HACD3: variants seen among roughly 807,000 people sequenced by gnomAD.
HACD3 encodes 3-hydroxyacyl-CoA dehydratase 3.
In HACD3, 30 loss-of-function variants were observed where a neutral mutation model predicts 55.2. The observed-to-expected ratio is 0.54, with a 90% CI of 0.41 to 0.74. The LOEUF (loss-of-function observed/expected upper bound fraction) is 0.74. HACD3 is among the 30% of genes least tolerant of loss of function. The pLI is 0.00. For synonymous variants in HACD3, 141 were observed against 151.7 expected (o/e 0.93, Z 0.52); for missense variants, 363 against 440.1 (o/e 0.82, Z 1.57).
rs780626809 is a variant in HACD3, at chr15:65,556,816, A to C, written c.282A>C (p.Thr94=). Residue 94 remains threonine (T), a synonymous_variant, in exon 4 of 11, where the codon ACA becomes ACC. Coordinates refer to ENST00000261875, the MANE Select transcript of HACD3 (RefSeq NM_016395.4). The part of the protein sequence containing the change: ...KKVSQWWERL[T]KQEKRPLFLA... ...TGAGTCAGTGGTGGGAGAGACTCACAAAGCAGGAAAAGCGACCACTGTTTT... is the reference window on the plus strand; with the variant it reads ...TGAGTCAGTGGTGGGAGAGACTCACCAAGCAGGAAAAGCGACCACTGTTTT... 1 of 1,612,490 alleles carries C rather than the reference A, an allele frequency of 6.2e-7. No individual in the cohort carries two copies. The highest frequency in any genetic ancestry group is 8.5e-7 in the Non-Finnish European group (1 of 1,179,218).
intron 10 of HACD3, among the ~76,000 whole-genome samples, chr15:65,572,607 G>A (rs1232155667): frequency 6.6e-6 from 1 of 152,130 alleles, no homozygotes; most frequent in East Asian, 1.9e-4. Flanking sequence ...TATACCATAA[G>A]ATATTTCTTG....
intron 10 of HACD3, among the ~76,000 whole-genome samples, chr15:65,575,256 T>C (rs2072389764): frequency 6.6e-6 from 1 of 151,812 alleles, no homozygotes; most frequent in Admixed American, 6.6e-5. Flanking sequence ...GGCACGATCT[T>C]GGCTCACTGC....
chr15:65,556,921 G>C lies in HACD3; in HGVS notation c.369+18G>C. 1.2e-6 allele frequency: 2 copies of C among 1,600,316 alleles called. No homozygotes were observed. Among genetic ancestry groups the C allele is most frequent in the Non-Finnish European group, 1.7e-6 (2 of 1,171,354 alleles). ...GAGCTAAGGTTAGTAAGGATCCTAG[G>C]ATCTAGCCATTGAGGACAAATCATG... On this transcript the variant is annotated intron_variant, in intron 4 of 10. Coordinates refer to ENST00000261875, the MANE Select transcript of HACD3 (RefSeq NM_016395.4).
chr15:65,541,352 G>A (rs1230965594), intron 1 of HACD3, among the ~76,000 whole-genome samples: 1 of 152,110 alleles, frequency 6.6e-6, no homozygotes, highest in African/African-American at 2.4e-5. Flanking sequence ...TTTATTGAAA[G>A]AGCTCTCTGA....
At chr15:65,537,165 G>A (rs1382379889) in intron 1 of HACD3, among the ~76,000 whole-genome samples, 1 of 152,198 alleles carries the variant, frequency 6.6e-6, no homozygotes, top group Non-Finnish European at 1.5e-5. Flanking sequence ...GCTAGCAGAA[G>A]TTGATTCATG....
At chr15:65,536,238 C>T (rs1183482651) in intron 1 of HACD3, among the ~76,000 whole-genome samples, 1 of 151,810 alleles carries the variant, frequency 6.6e-6, no homozygotes, top group Admixed American at 6.6e-5. Context: ...GCTCAAGTGG[C>T]CTGCCCACCT....
intron 1 of HACD3, among the ~76,000 whole-genome samples, chr15:65,531,915 A>T (rs2071904813): frequency 1.3e-5 from 2 of 152,012 alleles, no homozygotes; most frequent in East Asian, 3.9e-4. Flanking sequence ...TCTCCTTAAC[A>T]TCTATGGCAC....
At chr15:65,574,104 A>T (rs1415861584) in intron 10 of HACD3, among the ~76,000 whole-genome samples, 1 of 152,232 alleles carries the variant, frequency 6.6e-6, no homozygotes, top group African/African-American at 2.4e-5. Context: ...AATGACCCCC[A>T]AAACTTAGCA....
intron 4 of HACD3, among the ~76,000 whole-genome samples, chr15:65,557,235 G>C (rs1411834742): frequency 6.6e-6 from 1 of 152,132 alleles, no homozygotes; most frequent in Non-Finnish European, 1.5e-5. Context: ...CAGCACTTTG[G>C]GAGGCCAAGG....
chr15:65,537,946 AAAAAAAAAAAAAATATATATAT>A (rs1277255267), intron 1 of HACD3, among the ~76,000 whole-genome samples: 56 of 53,496 alleles, frequency 1.0e-3, no homozygotes, highest in East Asian at 3.8e-3. Flanking sequence ...AAAAAAAAAA[AAAAAAAAAAAAAATATATATAT>A]ATATATATAT....
chr15:65,530,844 C>G (rs2071890011), intron 1 of HACD3, 126 bp downstream of exon 1: 1 of 924,580 alleles, frequency 1.1e-6, no homozygotes, highest in Non-Finnish European at 1.6e-6. Flanking sequence ...GTCGGCGACG[C>G]GGTGCGCTTA....
intron 1 of HACD3, among the ~76,000 whole-genome samples, chr15:65,533,382 TGTAGG>T (rs2071921473): frequency 6.6e-6 from 1 of 152,188 alleles, no homozygotes; most frequent in African/African-American, 2.4e-5. Context: ...AAATCTTACC[TGTAGG>T]GCAGGGAGAC....
At chr15:65,555,318 G>A (rs1049491655) in intron 3 of HACD3, among the ~76,000 whole-genome samples, 3 of 152,230 alleles carry the variant, frequency 2.0e-5, no homozygotes, top group African/African-American at 7.2e-5. Context: ...ATTGAGAACA[G>A]AGTTACATAG....
intron 1 of HACD3, among the ~76,000 whole-genome samples, chr15:65,545,935 G>T (rs1367588501): frequency 6.6e-6 from 1 of 152,226 alleles, no homozygotes; most frequent in Non-Finnish European, 1.5e-5. Context: ...TAAGAGAACT[G>T]CCAGCTTCCG....
chr15:65,533,151 C>T (rs377052335), intron 1 of HACD3, among the ~76,000 whole-genome samples: 1 of 152,140 alleles, frequency 6.6e-6, no homozygotes, highest in East Asian at 1.9e-4. Context: ...CAAAGGCCAC[C>T]AATAACACAC....
intron 2 of HACD3, among the ~76,000 whole-genome samples, chr15:65,552,741 T>C (rs1289654476): frequency 6.6e-6 from 1 of 152,074 alleles, no homozygotes; most frequent in Admixed American, 6.5e-5. Flanking sequence ...GTGCCCGTTG[T>C]GCAGGTTAGT....
chr15:65,568,741 A>G (rs547606183), intron 7 of HACD3, among the ~76,000 whole-genome samples: 1 of 152,308 alleles, frequency 6.6e-6, no homozygotes, highest in South Asian at 2.1e-4. Flanking sequence ...GACGAGCTCA[A>G]ATTGGGGACT....
chr15:65,545,626 T>G (rs1210728710), intron 1 of HACD3, among the ~76,000 whole-genome samples: 2 of 95,986 alleles, frequency 2.1e-5, no homozygotes, highest in African/African-American at 6.8e-5. Context: ...TTTTTTTTTT[T>G]TGTATTTTTA....
At chr15:65,541,883 G>A (rs762500816) in intron 1 of HACD3, among the ~76,000 whole-genome samples, 36 of 152,242 alleles carry the variant, frequency 2.4e-4, no homozygotes, top group Non-Finnish European at 4.6e-4. Flanking sequence ...AAAGCAAGAT[G>A]TATAAGAATG....
Sources: allele counts gnomAD v4.1 joint callset (sites outside exome capture counted in the v4.1 genomes callset), GRCh38; gene constraint gnomAD v4.1.1; transcripts MANE v1.5; gene names NCBI Gene and HGNC (gene_info 2026-07-23, HGNC 2026-07-21).